Variants in HHIPL1 observed in about 807,000 individuals in gnomAD.
HHIPL1 encodes the protein HHIP-like protein 1.
A neutral mutation model predicts 61.8 loss-of-function variants in HHIPL1; 43 were observed. The observed-to-expected ratio is 0.70, with a 90% CI of 0.55 to 0.90. The LOEUF is 0.90. Ranked by LOEUF, HHIPL1 falls within the 40% of genes least tolerant of loss-of-function variation. HHIPL1 has a pLI of 0.00. For missense variants in HHIPL1, 1,056 were observed against 1,157.7 expected (o/e 0.91, Z 1.28); for synonymous variants, 482 against 515.8 (o/e 0.93, Z 0.89).
In HHIPL1 at chr14:99,676,097, G is replaced by A. The variant is rs1038901372; in HGVS notation, c.*471G>A. The A allele has an allele frequency of 3.8e-5, 6 of 159,090 alleles. No homozygotes were observed. Among genetic ancestry groups the A allele is most frequent in the Non-Finnish European group, 6.8e-5 (5 of 73,076 alleles). 9.9% of individuals were successfully genotyped at this position (159,090 alleles called of 1,614,324 possible). On this transcript the variant is annotated 3_prime_UTR_variant, in exon 9 of 9. Transcript: ENST00000330710. ...GAGGGTGGCCTGAGGAATGTGGCCCGGACAGCATGGCCTGGTGCCCGCATC... is the reference window on the plus strand; with the variant it reads ...GAGGGTGGCCTGAGGAATGTGGCCCAGACAGCATGGCCTGGTGCCCGCATC...
In HHIPL1 at chr14:99,669,226, G is replaced by A. The variant is rs564417525; in HGVS notation, c.1730+923G>A. 159 of 1,193,318 alleles carry A rather than the reference G, an allele frequency of 1.3e-4. 1 individual carries two copies. In the South Asian group the frequency reaches 3.1e-3, roughly 23 times the overall value. 73.9% of individuals were successfully genotyped at this position (1,193,318 alleles called of 1,614,324 possible). ...GCCGCCCAGGTGCTGGGAATGGCAC[G>A]GAGCAGAGACTCAGGAACACTTGAT... On this transcript the variant is annotated intron_variant, in intron 7 of 8. Transcript: ENST00000330710.
chr14:99,662,793 G>A (rs936302123), intron 5 of HHIPL1, 83 bp from the exon 6 acceptor site: 20 of 1,264,190 alleles, frequency 1.6e-5, no homozygotes, highest in Middle Eastern at 2.2e-4. Flanking sequence ...ATACATGGAT[G>A]GATGGATGGA....
At chr14:99,618,044 C>A in the HHIPL1 span, among the ~76,000 whole-genome samples, 1 of 152,240 alleles carries the variant, frequency 6.6e-6, no homozygotes, top group Non-Finnish European at 1.5e-5. Flanking sequence ...AGCAGGGAGG[C>A]ACCTTGCCTG....
At position 99,678,721 on chromosome 14, in the gene HHIPL1, C is replaced by T. The variant is rs567737956; in HGVS notation, c.*3095C>T. On this transcript the variant is annotated 3_prime_UTR_variant, in exon 9 of 9. Coordinates refer to ENST00000330710, the MANE Select transcript of HHIPL1 (RefSeq NM_001127258.3). ...AGCTGGGACATGCCTGTGAGCACGTCCAGCACAGATATCTTGGTTAAAGTA... is the reference window on the plus strand; with the variant it reads ...AGCTGGGACATGCCTGTGAGCACGTTCAGCACAGATATCTTGGTTAAAGTA... 1 of 152,290 alleles carries T rather than the reference C, an allele frequency of 6.6e-6. No individual in the cohort carries two copies. Among genetic ancestry groups the T allele is most frequent in the Admixed American group, 6.5e-5 (1 of 15,296 alleles). 9.4% of individuals were successfully genotyped at this position (152,290 alleles called of 1,614,324 possible).
At chr14:99,664,492 C>G (rs976194689) in intron 6 of HHIPL1, among the ~76,000 whole-genome samples, 4 of 135,000 alleles carry the variant, frequency 3.0e-5, no homozygotes, top group African/African-American at 1.4e-4. Flanking sequence ...GAGTGACACC[C>G]GAGTGTGGAA....
intron 6 of HHIPL1, among the ~76,000 whole-genome samples, chr14:99,666,465 C>A (rs530843702): frequency 6.6e-6 from 1 of 152,188 alleles, no homozygotes; most frequent in Non-Finnish European, 1.5e-5. Flanking sequence ...CCTGGTCCAG[C>A]CTTGTCATTT....
chr14:99,638,691 A>G, the HHIPL1 span, among the ~76,000 whole-genome samples: 1 of 152,176 alleles, frequency 6.6e-6, no homozygotes, highest in Non-Finnish European at 1.5e-5. Flanking sequence ...AATTTGAAGC[A>G]GGGCCAGGCG....
intron 1 of HHIPL1, among the ~76,000 whole-genome samples, chr14:99,647,189 G>C (rs2055855990): frequency 6.6e-6 from 1 of 152,156 alleles, no homozygotes; most frequent in African/African-American, 2.4e-5. Context: ...ATGAGGAGGG[G>C]GCCCTGGGGA....
the HHIPL1 span, among the ~76,000 whole-genome samples, chr14:99,639,957 G>A: frequency 1.9e-3 from 287 of 152,240 alleles, no homozygotes; most frequent in Middle Eastern, 6.8e-3. Context: ...ACCATGCCCC[G>A]CCTAGGCCTT....
At chr14:99,627,560 T>G in the HHIPL1 span, among the ~76,000 whole-genome samples, 2 of 152,340 alleles carry the variant, frequency 1.3e-5, no homozygotes, top group South Asian at 4.1e-4. The surrounding 1 kb of genome is among the most constrained non-coding windows in gnomAD (Gnocchi z 4.4). Flanking sequence ...TGATACTCAT[T>G]CAGGCCGGAG....
At chr14:99,656,174 G>A (rs936390741) in intron 2 of HHIPL1, among the ~76,000 whole-genome samples, 1 of 152,246 alleles carries the variant, frequency 6.6e-6, no homozygotes, top group Non-Finnish European at 1.5e-5. Context: ...AGTAACTAGT[G>A]TGTGGGAAGC....
intron 7 of HHIPL1, among the ~76,000 whole-genome samples, chr14:99,669,498 G>A (rs1215415799): frequency 6.6e-6 from 1 of 152,160 alleles, no homozygotes; most frequent in Non-Finnish European, 1.5e-5. Flanking sequence ...CCTGAAACAA[G>A]CTGGCATGTT....
chr14:99,648,292 A>G (rs2055873388), intron 1 of HHIPL1, among the ~76,000 whole-genome samples: 2 of 152,086 alleles, frequency 1.3e-5, no homozygotes, highest in Admixed American at 1.3e-4. Context: ...CATCTTCTCC[A>G]TTTGTTCCTC....
At chr14:99,646,832 G>GATATA (rs1186393743) in intron 1 of HHIPL1, among the ~76,000 whole-genome samples, 16 of 115,000 alleles carry the variant, frequency 1.4e-4, no homozygotes, top group African/African-American at 4.2e-4. Flanking sequence ...GATATGATAT[G>GATATA]ATATAATATA....
At chr14:99,612,253 C>T in the HHIPL1 span, among the ~76,000 whole-genome samples, 1 of 152,158 alleles carries the variant, frequency 6.6e-6, no homozygotes, top group African/African-American at 2.4e-5. Context: ...ATGAGAGAAA[C>T]TGCCCTTATG....
chr14:99,645,214 C>T lies in HHIPL1; in HGVS notation c.7C>T (p.Arg3Trp). The change falls in exon 1 of 9, where the codon CGG becomes TGG. Residue 3 changes from arginine to tryptophan, a missense_variant. Arg to Trp is a moderately radical substitution (Grantham distance 101, BLOSUM62 -3). Coordinates refer to ENST00000330710, the MANE Select transcript of HHIPL1 (RefSeq NM_001127258.3). The stretch of plus-strand genomic sequence containing the variant: ...TCCCCCGCGGGGCGTAGCGATGGCC[C>T]GGGCCAGGGCCGGGGCGCTGCTGGC... MA[R>W]ARAGALLALW... The T allele has an allele frequency of 1.5e-6, 2 of 1,291,070 alleles. No individual in the cohort carries two copies. The highest frequency in any genetic ancestry group is 2.0e-6 in the Non-Finnish European group (2 of 1,020,288). 80.0% of individuals were successfully genotyped at this position (1,291,070 alleles called of 1,614,324 possible).
chr14:99,642,671 G>A (rs1028322709), upstream of HHIPL1, among the ~76,000 whole-genome samples: 7 of 151,822 alleles, frequency 4.6e-5, no homozygotes, highest in South Asian at 2.1e-4. Flanking sequence ...GACTATAGGC[G>A]CCCATCACCA....
intron 1 of HHIPL1, among the ~76,000 whole-genome samples, chr14:99,650,168 G>T (rs1329130722): frequency 6.6e-6 from 1 of 152,240 alleles, no homozygotes; most frequent in Non-Finnish European, 1.5e-5. Flanking sequence ...TCACAGGAGT[G>T]AGTGGGCCCT....
At chr14:99,642,728 A>T (rs561267741), upstream of HHIPL1, among the ~76,000 whole-genome samples, 3 of 151,746 alleles carry the variant, frequency 2.0e-5, no homozygotes, top group African/African-American at 7.3e-5. Flanking sequence ...GTTTCACCGT[A>T]TTAGCCAGTA....
Sources: gnomAD v4.1 joint callset for allele counts (sites outside exome capture counted in the v4.1 genomes callset) on GRCh38, gnomAD v4.1.1 for gene constraint, Gnocchi (gnomAD v3.1) non-coding constraint, MANE v1.5 for transcripts, NCBI Gene and HGNC (gene_info 2026-07-23, HGNC 2026-07-21) for gene names.